Variants in LIPF observed in about 807,000 individuals in gnomAD.
The protein encoded by LIPF is gastric triacylglycerol lipase.
LIPF carries 25 observed loss-of-function variants against 38.0 expected under a neutral mutation model. The ratio of observed to expected loss-of-function variants is 0.66; its 90% CI spans 0.48 to 0.92. LIPF has a LOEUF of 0.92. LIPF is among the 40% of genes least tolerant of loss of function. LIPF has a pLI of 0.00. For synonymous variants in LIPF, 161 were observed against 156.2 expected (o/e 1.03, Z -0.23); for missense variants, 410 against 469.9 (o/e 0.87, Z 1.18).
In LIPF at chr10:88,664,657, C is replaced by CT. The variant is rs1044425176; in HGVS notation, c.-12+174dup. 7.9e-5 allele frequency among the ~76,000 whole-genome samples: 12 copies of CT among 151,806 alleles called. No homozygotes were observed. The East Asian group carries it at 1.2e-3, about 15-fold the overall frequency. On this transcript the variant is annotated intron_variant, in intron 1 of 9. Transcript: ENST00000238983. ...CCTCTAGGATTTGATTTATTTTATT[C>CT]TTTTTTTTGTATGGACATGAGACTC... is the stretch of plus-strand genomic sequence containing the variant.
intron 1 of LIPF, among the ~76,000 whole-genome samples, chr10:88,666,672 T>C (rs939099057): frequency 2.0e-5 from 3 of 152,036 alleles, no homozygotes; most frequent in Non-Finnish European, 4.4e-5. Context: ...GTCTGAGTAA[T>C]GTAGAAACAC....
chr10:88,676,727 G>T (rs1841692009), intron 9 of LIPF, among the ~76,000 whole-genome samples: 1 of 152,208 alleles, frequency 6.6e-6, no homozygotes. Context: ...AGAAGAAAAA[G>T]ATGCCGTGCT....
Position 88,668,774 on chromosome 10 carries a change from TTAAAAA to T in LIPF, c.422+23_422+28del. 1 of 1,606,076 alleles carries T rather than the reference TTAAAAA, an allele frequency of 6.2e-7. No individual in the cohort carries two copies. The highest frequency in any genetic ancestry group is 8.5e-7 in the Non-Finnish European group (1 of 1,173,546). On this transcript the variant is annotated intron_variant, in intron 4 of 9. Transcript: ENST00000238983. ...GCTTTCAGGTAAACAAAAGGGACAA[TTAAAAA>T]TAAACACTGGGCTTTAAAAGCATAG...
chr10:88,665,892 A>G (rs1841505917), intron 1 of LIPF, among the ~76,000 whole-genome samples: 1 of 151,792 alleles, frequency 6.6e-6, no homozygotes, highest in African/African-American at 2.4e-5. Context: ...ACAGGCGCGC[A>G]CACCCGGCTA....
chr10:88,670,725 G>A (rs568501006), intron 5 of LIPF, among the ~76,000 whole-genome samples: 21 of 152,268 alleles, frequency 1.4e-4, no homozygotes, highest in African/African-American at 4.1e-4. Flanking sequence ...AAGACTGTTC[G>A]GGGCTCTTTG....
At chr10:88,665,929 T>G (rs971504884) in intron 1 of LIPF, among the ~76,000 whole-genome samples, 2 of 151,838 alleles carry the variant, frequency 1.3e-5, no homozygotes, top group African/African-American at 2.4e-5. Flanking sequence ...AGTAGAGACG[T>G]GGTTTCACCG....
intron 7 of LIPF, 36 bp from the exon 8 acceptor site, chr10:88,675,550 A>G (rs763973109): frequency 7.1e-7 from 1 of 1,417,150 alleles, no homozygotes; most frequent in Non-Finnish European, 1.0e-6. Context: ...TATGTGTCTT[A>G]GTATGTATAT....
chr10:88,670,800 G>A (rs1362321860), intron 5 of LIPF, among the ~76,000 whole-genome samples: 2 of 152,094 alleles, frequency 1.3e-5, no homozygotes, highest in African/African-American at 2.4e-5. Context: ...ATTTTGAATC[G>A]AAGAGTTACA....
intron 9 of LIPF, among the ~76,000 whole-genome samples, chr10:88,677,832 G>A (rs546934175): frequency 2.0e-5 from 3 of 152,250 alleles, no homozygotes; most frequent in African/African-American, 7.2e-5. Context: ...AACAGGACAT[G>A]GGGATGATAA....
chr10:88,669,067 T>C (rs1007883990), intron 4 of LIPF: 1 of 253,510 alleles, frequency 3.9e-6, no homozygotes, highest in Non-Finnish European at 7.7e-6. Context: ...CCATATGGAT[T>C]CAAGAGAGAA....
chr10:88,676,227 T>G lies in LIPF; in HGVS notation c.907T>G (p.Phe303Val). The change falls in exon 9 of 10, where the codon TTC (phenylalanine) becomes GTC (valine). Residue 303 changes from phenylalanine to valine, a missense_variant. Transcript: ENST00000238983. Reference protein sequence around the residue: ...HWTQAVKSGKFQAYDWGSPVQ... With the variant: ...HWTQAVKSGKVQAYDWGSPVQ... ...ATGTTAGGCTGTTAAGTCTGGGAAA[T>G]TCCAAGCTTATGACTGGGGAAGCCC... The G allele has an allele frequency of 6.2e-7, 1 of 1,607,576 alleles. No homozygotes were observed. Among genetic ancestry groups the G allele is most frequent in the East Asian group, 2.2e-5 (1 of 44,726 alleles).
At chr10:88,678,392 T>G in intron 9 of LIPF, 53 bp from the exon 10 acceptor site, 1 of 1,257,292 alleles carries the variant, frequency 8.0e-7, no homozygotes, top group East Asian at 2.3e-5. Flanking sequence ...TAGTAAGTAC[T>G]GGGTTTAAAG....
intron 3 of LIPF, among the ~76,000 whole-genome samples, chr10:88,668,345 C>T (rs1243172170): frequency 6.6e-6 from 1 of 152,048 alleles, no homozygotes; most frequent in Admixed American, 6.5e-5. Context: ...ATAAGCTGCT[C>T]ATATTTAAGG....
chr10:88,675,462 T>A, intron 7 of LIPF, 124 bp from the exon 8 acceptor site: 1 of 724,316 alleles, frequency 1.4e-6, no homozygotes, highest in Non-Finnish European at 2.4e-6. Flanking sequence ...GTTGTTCATA[T>A]CCTTCCAGTA....
intron 1 of LIPF, among the ~76,000 whole-genome samples, chr10:88,665,888 G>A (rs1338780923): frequency 3.3e-5 from 5 of 151,908 alleles, no homozygotes; most frequent in South Asian, 2.1e-4. Flanking sequence ...AATTACAGGC[G>A]CGCACACCCG....
chr10:88,667,766 T>C (rs1841536138), intron 3 of LIPF, 80 bp downstream of exon 3: 1 of 638,412 alleles, frequency 1.6e-6, no homozygotes, highest in African/African-American at 1.8e-5. Context: ...CTCTCCTTTC[T>C]TCCTCCAACT....
Position 88,678,457 on chromosome 10 carries a change from T to G in LIPF, c.973T>G (p.Tyr325Asp). 1 of 1,613,486 alleles carries G rather than the reference T, an allele frequency of 6.2e-7. No individual in the cohort carries two copies. The highest frequency in any genetic ancestry group is 2.2e-5 in the East Asian group (1 of 44,866). Residue 325 changes from tyrosine to aspartate, a missense_variant, in exon 10 of 10, where the codon TAC (tyrosine) becomes GAC (aspartate). Tyr to Asp is a radical substitution (Grantham distance 160, BLOSUM62 -3). Coordinates refer to ENST00000238983, the MANE Select transcript of LIPF (RefSeq NM_004190.4). The stretch of plus-strand genomic sequence containing the variant: ...TTGTGTTTTCTAGTCCCAACCTCCC[T>G]ACTACAATGTGACAGCCATGAATGT... ...RMHYDQSQPP[Y>D]YNVTAMNVPI...
chr10:88,675,591 C>T lies in LIPF; in HGVS notation c.822C>T (p.Arg274=). Residue 274 remains arginine (R), a synonymous_variant, in exon 8 of 10, where the codon CGC becomes CGT. Transcript: ENST00000238983. The part of the protein sequence containing the change: ...GFDSKNFNTS[R]LDVYLSHNPA... ...GTGTGTCTGTTGATTTCTAGAGTCG[C>T]TTGGATGTGTATCTATCACATAATC... is the stretch of plus-strand genomic sequence containing the variant. 1 of 1,608,368 alleles carries T rather than the reference C, an allele frequency of 6.2e-7. No homozygotes were observed. Among genetic ancestry groups the T allele is most frequent in the Non-Finnish European group, 8.5e-7 (1 of 1,175,044 alleles).
chr10:88,665,696 C>T, intron 1 of LIPF: 1 of 599,852 alleles, frequency 1.7e-6, no homozygotes, highest in South Asian at 2.1e-5. Context: ...TTTATCTCTT[C>T]CTAAAATATC....
Sources: gnomAD v4.1 joint callset for allele counts (sites outside exome capture counted in the v4.1 genomes callset) on GRCh38, gnomAD v4.1.1 for gene constraint, MANE v1.5 for transcripts, NCBI Gene and HGNC (gene_info 2026-07-23, HGNC 2026-07-21) for gene names.